The following PRKCI variants were observed in gnomAD, a reference collection of about 807,000 sequenced individuals.
PRKCI encodes the protein protein kinase C iota type.
Under a neutral mutation model 84.0 loss-of-function variants are expected in PRKCI, and 43 were observed. That is an observed-to-expected ratio of 0.51 (90% CI 0.40 to 0.66). The LOEUF (loss-of-function observed/expected upper bound fraction) is 0.66, where lower values mean the gene tolerates loss of function less well. Among genes scored for constraint, PRKCI ranks in the 30% least tolerant of loss-of-function variants. The pLI is 0.00. For missense variants in PRKCI, 459 were observed against 745.6 expected (o/e 0.62, Z 4.48); for synonymous variants, 216 against 234.4 (o/e 0.92, Z 0.72).
At chr3:170,250,807 A>G (rs569297372) in intron 2 of PRKCI, among the ~76,000 whole-genome samples, 15 of 152,212 alleles carry the variant, frequency 9.9e-5, no homozygotes, top group African/African-American at 3.6e-4. Flanking sequence ...TTACCTTCCT[A>G]CCAGCAGTGT....
chr3:170,285,934 T>TTTA (rs1734373658), intron 12 of PRKCI, among the ~76,000 whole-genome samples: 1 of 149,808 alleles, frequency 6.7e-6, no homozygotes, highest in East Asian at 1.9e-4. Context: ...TTTTTTTTTT[T>TTTA]AATTTTTGAG....
rs541449598 is a variant in PRKCI at position 170,280,837 on chromosome 3, A to G, written c.883-329A>G. Among the ~76,000 whole-genome samples, 20 of 152,300 alleles carry G rather than the reference A, an allele frequency of 1.3e-4. No homozygotes were observed. The South Asian group carries it at 3.3e-3, about 25-fold the overall frequency. On this transcript the variant is annotated intron_variant, in intron 9 of 17. Coordinates refer to ENST00000295797, the MANE Select transcript of PRKCI (RefSeq NM_002740.6). ...AATATGTGCTAAGTAAATGAAATAT[A>G]TTATTTCGGTTTACTTTTCTTATAG...
intron 2 of PRKCI, among the ~76,000 whole-genome samples, chr3:170,250,437 C>CG (rs966380520): frequency 9.9e-6 from 1 of 100,924 alleles, no homozygotes; most frequent in Non-Finnish European, 2.0e-5. Context: ...TACCAACCCC[C>CG]CCCCCCCAAA....
chr3:170,267,308 C>T lies in PRKCI; in HGVS notation c.365-607C>T, dbSNP rs189981006. 2.0e-5 allele frequency among the ~76,000 whole-genome samples: 3 copies of T among 151,138 alleles called. No individual in the cohort carries two copies. In the East Asian group the frequency reaches 5.8e-4, roughly 29 times the overall value. Reference sequence around the variant, plus strand: ...AAATCTCGGTGAAAGATGCAGGTGTCTATTCTTTTACCTTTTCTGTGGGAT... The same window carrying T: ...AAATCTCGGTGAAAGATGCAGGTGTTTATTCTTTTACCTTTTCTGTGGGAT... On this transcript the variant is annotated intron_variant, in intron 4 of 17. Transcript: ENST00000295797.
intron 12 of PRKCI, among the ~76,000 whole-genome samples, chr3:170,287,140 G>A (rs1734414426): frequency 6.6e-6 from 1 of 151,956 alleles, no homozygotes; most frequent in Non-Finnish European, 1.5e-5. Context: ...TTCGACACCA[G>A]CCTGGGCAAC....
chr3:170,283,117 A>C (rs1734294080), intron 11 of PRKCI, among the ~76,000 whole-genome samples: 1 of 152,158 alleles, frequency 6.6e-6, no homozygotes, highest in Non-Finnish European at 1.5e-5. Context: ...AAAAAAAAAA[A>C]AAAGTATTGA....
chr3:170,245,950 T>TTTTTTTTTTTTGTTTGTTTG (rs1491090525), intron 2 of PRKCI, among the ~76,000 whole-genome samples: 1,503 of 43,994 alleles, frequency 0.034, 23 homozygotes, highest in African/African-American at 0.14. Context: ...TATGTCTTTG[T>TTTTTTTTTTTTGTTTGTTTG]TTTTTTTTTT....
intron 11 of PRKCI, among the ~76,000 whole-genome samples, chr3:170,283,200 A>G (rs2108860241): frequency 6.6e-6 from 1 of 152,094 alleles, no homozygotes; most frequent in South Asian, 2.1e-4. Flanking sequence ...GATGGAGGAG[A>G]TAGGTGGGAA....
At chr3:170,247,487 T>C (rs1404056866) in intron 2 of PRKCI, among the ~76,000 whole-genome samples, 1 of 151,568 alleles carries the variant, frequency 6.6e-6, no homozygotes, top group South Asian at 2.1e-4. Flanking sequence ...TCCCAGCACT[T>C]TGGGAGGCAG....
At chr3:170,278,762 A>C (rs543180519) in intron 8 of PRKCI, among the ~76,000 whole-genome samples, 23 of 152,368 alleles carry the variant, frequency 1.5e-4, no homozygotes, top group African/African-American at 4.8e-4. Context: ...TAAGTATTGC[A>C]CTAGCATCTG....
rs1733684755 is a variant in PRKCI, at chr3:170,260,057, T to C, written c.312T>C (p.His104=). 1.3e-6 allele frequency: 2 copies of C among 1,595,350 alleles called. No homozygotes were observed. The highest frequency in any genetic ancestry group is 1.7e-5 in the Admixed American group (1 of 59,014). Residue 104 remains histidine (H), a splice_region_variant and synonymous_variant, in exon 3 of 18, where the codon CAT becomes CAC. Transcript: ENST00000295797. ...ACAAGGATTCTGAACTCTTGATTCA[T>C]GGTAAGAGAGTAGTCATTTCATACT... ...ELNKDSELLI[H]VFPCVPERPG...
intron 17 of PRKCI, among the ~76,000 whole-genome samples, chr3:170,301,962 C>G (rs910676430): frequency 3.3e-5 from 5 of 152,182 alleles, no homozygotes; most frequent in African/African-American, 1.2e-4. Context: ...AAACAGTGTT[C>G]TGATCAGTCT....
chr3:170,246,020 T>G (rs1314961095), intron 2 of PRKCI, among the ~76,000 whole-genome samples: 1 of 147,422 alleles, frequency 6.8e-6, no homozygotes, highest in Non-Finnish European at 1.5e-5. Context: ...AGTGGTGTGA[T>G]CATGGCTCAC....
intron 16 of PRKCI, 52 bp from the exon 17 acceptor site, chr3:170,298,943 G>A (rs555396706): frequency 4.2e-6 from 5 of 1,191,184 alleles, no homozygotes; most frequent in African/African-American, 1.5e-5. Flanking sequence ...CTGTAGAGGT[G>A]GAGTTTTTCT....
At chr3:170,301,860 TATCAGGTA>T (rs2108869453) in intron 17 of PRKCI, among the ~76,000 whole-genome samples, 1 of 152,338 alleles carries the variant, frequency 6.6e-6, no homozygotes, top group East Asian at 1.9e-4. Context: ...CTTCATTGCC[TATCAGGTA>T]ACATCTATCC....
chr3:170,295,510 C>G (rs1396715137), intron 14 of PRKCI, among the ~76,000 whole-genome samples: 2 of 151,988 alleles, frequency 1.3e-5, no homozygotes, highest in Admixed American at 1.3e-4. Context: ...AACCCCATCT[C>G]TACCAAAAAC....
intron 7 of PRKCI, among the ~76,000 whole-genome samples, chr3:170,274,491 TAGAG>T (rs1734069055): frequency 6.6e-6 from 1 of 152,182 alleles, no homozygotes; most frequent in African/African-American, 2.4e-5. Context: ...ATGTGAAACA[TAGAG>T]AGATGCAATA....
At chr3:170,283,610 A>G (rs1412073728) in intron 11 of PRKCI, among the ~76,000 whole-genome samples, 1 of 152,206 alleles carries the variant, frequency 6.6e-6, no homozygotes, top group African/African-American at 2.4e-5. Flanking sequence ...AATTGTGAAC[A>G]TAGCCAATAT....
In PRKCI at chr3:170,295,901, A is replaced by T. The variant is rs1188987134; in HGVS notation, c.1418-10A>T. 1 of 1,505,110 alleles carries T rather than the reference A, an allele frequency of 6.6e-7. No homozygotes were observed. Among genetic ancestry groups the T allele is most frequent in the East Asian group, 2.3e-5 (1 of 43,854 alleles). The allele number at this position is 1,505,110 out of a possible 1,614,324, so 93.2% of individuals were successfully genotyped here. A position where few individuals can be genotyped will look rare whatever the true frequency, so the allele number is the denominator to read the frequency against. The stretch of plus-strand genomic sequence containing the variant: ...AGTTAAATATAATACTATAATTTTT[A>T]TCTTTCTAGTTATTTTGGAAAAACA... On this transcript the variant is annotated splice_polypyrimidine_tract_variant and intron_variant, in intron 14 of 17. Coordinates refer to ENST00000295797, the MANE Select transcript of PRKCI (RefSeq NM_002740.6).
Sources: gnomAD v4.1 joint callset for allele counts (sites outside exome capture counted in the v4.1 genomes callset) on GRCh38, gnomAD v4.1.1 for gene constraint, MANE v1.5 for transcripts, NCBI Gene and HGNC (gene_info 2026-07-23, HGNC 2026-07-21) for gene names.